The following PDE10A variants were observed in gnomAD, a reference collection of about 807,000 sequenced individuals.
PDE10A encodes cAMP and cAMP-inhibited cGMP 3',5'-cyclic phosphodiesterase 10A.
In PDE10A, 39 loss-of-function variants were observed where a neutral mutation model predicts 97.7. The ratio of observed to expected loss-of-function variants is 0.40; its 90% CI spans 0.31 to 0.52. The LOEUF is 0.52. Ranked by LOEUF, PDE10A falls within the 20% of genes least tolerant of loss-of-function variation. PDE10A has a pLI of 0.56. For synonymous variants in PDE10A, 371 were observed against 376.8 expected (o/e 0.98, Z 0.18); for missense variants, 731 against 1,047.8 (o/e 0.70, Z 4.17).
chr6:165,371,466 T>C (rs1784243911), intron 18 of PDE10A, among the ~76,000 whole-genome samples: 1 of 151,690 alleles, frequency 6.6e-6, no homozygotes, highest in Non-Finnish European at 1.5e-5. Context: ...GCAAATAAAC[T>C]AGAAAATCTA....
At chr6:165,544,550 T>A (rs1783635262) in intron 1 of PDE10A, among the ~76,000 whole-genome samples, 1 of 146,250 alleles carries the variant, frequency 6.8e-6, no homozygotes, top group South Asian at 2.2e-4. Context: ...TTGAATAAAT[T>A]ACCCTTTTTA....
intron 1 of PDE10A, among the ~76,000 whole-genome samples, chr6:165,832,919 A>T (rs1779964367): frequency 6.6e-6 from 1 of 152,202 alleles, no homozygotes. Context: ...GGACTCTTTC[A>T]TAAGGCACGA....
intron 21 of PDE10A, among the ~76,000 whole-genome samples, chr6:165,334,371 C>T (rs942704239): frequency 3.3e-5 from 5 of 150,798 alleles, no homozygotes; most frequent in African/African-American, 9.8e-5. Context: ...GCCTCCATAG[C>T]GCCCTACAGC....
At chr6:165,425,586 C>T (rs73788378) in intron 10 of PDE10A, among the ~76,000 whole-genome samples, 21,271 of 151,984 alleles carry the variant, frequency 0.14, 1,694 homozygotes, top group African/African-American at 0.21. Flanking sequence ...TCATATTTAA[C>T]GGCAAAAAAC....
At chr6:165,646,821 G>A (rs74955693) in intron 1 of PDE10A, among the ~76,000 whole-genome samples, 4,310 of 152,330 alleles carry the variant, frequency 0.028, 187 homozygotes, top group East Asian at 0.089. Context: ...CTGAGAGACA[G>A]AAGCCAACCA....
At chr6:165,885,001 G>C (rs1781589906) in intron 1 of PDE10A, among the ~76,000 whole-genome samples, 1 of 152,158 alleles carries the variant, frequency 6.6e-6, no homozygotes, top group South Asian at 2.1e-4. Context: ...CCTAGACTGC[G>C]GTGCGGCCTT....
In PDE10A at chr6:165,655,374, C is replaced by T. The variant is rs1421871459; in HGVS notation, c.865+6573G>A. ...AACGCCACGCCTGATTCCTTGCGCA[C>T]CCCACGTGCTCCTCCTCCAGGCTTC... On this transcript the variant is annotated intron_variant, in intron 1 of 21. Coordinates refer to ENST00000539869, the MANE Select transcript of PDE10A (RefSeq NM_001385079.1). This position sits in a 1 kb window ranked among gnomAD's most constrained non-coding sequence, Gnocchi z 4.5. Among the ~76,000 whole-genome samples the T allele has an allele frequency of 6.6e-6, 1 of 152,168 alleles. No individual in the cohort carries two copies. The highest frequency in any genetic ancestry group is 2.4e-5 in the African/African-American group (1 of 41,428).
intron 18 of PDE10A, among the ~76,000 whole-genome samples, chr6:165,359,827 C>T (rs1215255717): frequency 6.6e-6 from 1 of 151,772 alleles, no homozygotes; most frequent in Non-Finnish European, 1.5e-5. Flanking sequence ...TTTTGTTTAC[C>T]AGTGCATTAC....
intron 1 of PDE10A, among the ~76,000 whole-genome samples, chr6:165,927,610 C>A (rs1263755716): frequency 7.7e-6 from 1 of 129,302 alleles, no homozygotes; most frequent in Non-Finnish European, 1.6e-5. Context: ...TTTTTTTTCT[C>A]GTTTTTCTTT....
intron 3 of PDE10A, among the ~76,000 whole-genome samples, chr6:165,466,093 C>T (rs1282564139): frequency 6.6e-6 from 1 of 152,082 alleles, no homozygotes; most frequent in Non-Finnish European, 1.5e-5. Flanking sequence ...CAACAAGGCA[C>T]TAATTTGAAA....
In PDE10A at chr6:165,701,518, A is replaced by G. The variant is rs557103207; in HGVS notation, c.-614-157950T>C. ...AGGTGCTAAGGATACAGAAGTGAAT[A>G]ATATGGTTTCTGCCATCAAAAAAGC... On this transcript the variant is annotated intron_variant, in intron 1 of 19. Transcript: ENST00000366882. Among the ~76,000 whole-genome samples the G allele has an allele frequency of 5.3e-5, 8 of 152,330 alleles. No individual in the cohort carries two copies. In the South Asian group the frequency reaches 1.7e-3, roughly 32 times the overall value.
chr6:165,864,836 A>G, intron 1 of PDE10A, among the ~76,000 whole-genome samples: 1 of 152,254 alleles, frequency 6.6e-6, no homozygotes, highest in East Asian at 1.9e-4. Context: ...AAGAATTTCA[A>G]TAATAGGAAA....
At chr6:165,394,242 A>C (rs1785954271) in intron 15 of PDE10A, among the ~76,000 whole-genome samples, 1 of 151,918 alleles carries the variant, frequency 6.6e-6, no homozygotes, top group South Asian at 2.1e-4. Flanking sequence ...AACAGGCCCC[A>C]GTGTGTGATG....
intron 1 of PDE10A, among the ~76,000 whole-genome samples, chr6:165,696,750 G>C (rs764523934): frequency 1.3e-5 from 2 of 152,150 alleles, no homozygotes; most frequent in Non-Finnish European, 1.5e-5. Context: ...CAAACTAGTC[G>C]TTGTAAATAT....
At chr6:165,568,291 A>G (rs10946085) in intron 1 of PDE10A, among the ~76,000 whole-genome samples, 12,499 of 152,098 alleles carry the variant, frequency 0.082, 1,002 homozygotes, top group East Asian at 0.33. Context: ...GAGCCACCGC[A>G]TCCGGCCAGC....
chr6:165,581,776 T>C (rs1785630197), intron 1 of PDE10A, among the ~76,000 whole-genome samples: 1 of 152,226 alleles, frequency 6.6e-6, no homozygotes, highest in East Asian at 1.9e-4. Flanking sequence ...GGGATTAATA[T>C]ATTCTCTTTG....
In PDE10A at chr6:165,612,231, T is replaced by C. The variant is rs555504672; in HGVS notation, c.865+49716A>G. ...GTTATTCTCCTATTACTCCAAACTA[T>C]GGCAACCCTAGGGGAGGATCTTTTC... On this transcript the variant is annotated intron_variant, in intron 1 of 21. Transcript: ENST00000539869. 3.9e-5 allele frequency among the ~76,000 whole-genome samples: 6 copies of C among 152,314 alleles called. No individual in the cohort carries two copies. The South Asian group carries it at 1.2e-3, about 32-fold the overall frequency.
At chr6:165,704,742 A>T (rs1791665450) in intron 1 of PDE10A, among the ~76,000 whole-genome samples, 1 of 152,256 alleles carries the variant, frequency 6.6e-6, no homozygotes, top group African/African-American at 2.4e-5. Flanking sequence ...AGATTGAGAA[A>T]TCAAACACAA....
intron 1 of PDE10A, among the ~76,000 whole-genome samples, chr6:165,630,589 G>A (rs1182234613): frequency 3.3e-5 from 5 of 152,116 alleles, no homozygotes; most frequent in East Asian, 1.9e-4. Context: ...GACAAGGCTC[G>A]TCTCAGACTT....
Sources: gnomAD v4.1 joint callset for allele counts (sites outside exome capture counted in the v4.1 genomes callset) on GRCh38, gnomAD v4.1.1 for gene constraint, Gnocchi (gnomAD v3.1) non-coding constraint, MANE v1.5 for transcripts, NCBI Gene and HGNC (gene_info 2026-07-23, HGNC 2026-07-21) for gene names.